The following GRM7 variants were observed in gnomAD, a reference collection of about 807,000 sequenced individuals.
GRM7 encodes the protein glutamate metabotropic receptor 7, also known as metabotropic glutamate receptor 7.
In GRM7, 35 loss-of-function variants were observed where a neutral mutation model predicts 84.5. The observed-to-expected ratio is 0.41, with a 90% CI of 0.32 to 0.55. The LOEUF is 0.55. Ranked by LOEUF, GRM7 falls within the 20% of genes least tolerant of loss-of-function variation. The probability of loss-of-function intolerance (pLI) is 0.19; values close to 1 mark genes in which losing one functional copy is unlikely to be tolerated. For missense variants in GRM7, 1,003 were observed against 1,194.6 expected, an observed-to-expected ratio of 0.84 and a Z score of 2.36; for synonymous variants, 487 against 455.1, an observed-to-expected ratio of 1.07 and a Z score of -0.89.
At chr3:7,469,448 G>T (rs1215938790) in intron 7 of GRM7, among the ~76,000 whole-genome samples, 1 of 152,200 alleles carries the variant, frequency 6.6e-6, no homozygotes, top group African/African-American at 2.4e-5. Flanking sequence ...CCTACCAGTG[G>T]CTATTTGAGA....
chr3:7,288,790 C>T (rs1699518731), intron 2 of GRM7, among the ~76,000 whole-genome samples: 1 of 152,084 alleles, frequency 6.6e-6, no homozygotes, highest in Non-Finnish European at 1.5e-5. Context: ...GAAATGTACA[C>T]ACCAGTTACT....
At chr3:7,143,705 A>G (rs1469148087) in intron 1 of GRM7, among the ~76,000 whole-genome samples, 2 of 152,156 alleles carry the variant, frequency 1.3e-5, no homozygotes, top group African/African-American at 4.8e-5. Flanking sequence ...ATGCAAATTC[A>G]AGGAGAGGGC....
intron 7 of GRM7, among the ~76,000 whole-genome samples, chr3:7,566,112 T>G (rs993008505): frequency 7.5e-4 from 19 of 25,252 alleles, no homozygotes; most frequent in Admixed American, 4.2e-3. Flanking sequence ...TGTTTTTTTT[T>G]TTTTTTTTTT....
At chr3:7,488,663 C>T (rs1322285300) in intron 7 of GRM7, among the ~76,000 whole-genome samples, 1 of 152,204 alleles carries the variant, frequency 6.6e-6, no homozygotes, top group African/African-American at 2.4e-5. Context: ...ACTTCTTAGA[C>T]TTCCCACTCC....
At chr3:7,730,497 A>G (rs1702289341) in intron 9 of GRM7, among the ~76,000 whole-genome samples, 1 of 152,216 alleles carries the variant, frequency 6.6e-6, no homozygotes, top group African/African-American at 2.4e-5. Flanking sequence ...GTTCGAGGAT[A>G]TGGACTATTT....
chr3:7,225,435 CTG>C (rs1696951441), intron 2 of GRM7, among the ~76,000 whole-genome samples: 1 of 147,034 alleles, frequency 6.8e-6, no homozygotes, highest in Non-Finnish European at 1.5e-5. Flanking sequence ...ATAGTTATAT[CTG>C]TAATTTCTTG....
intron 8 of GRM7, among the ~76,000 whole-genome samples, chr3:7,621,840 C>G (rs527817621): frequency 6.6e-5 from 10 of 152,050 alleles, no homozygotes; most frequent in Admixed American, 1.3e-4. Context: ...TGGCAGCCAG[C>G]TATGTTTTGA....
At chr3:7,279,281 G>A (rs1699176541) in intron 2 of GRM7, among the ~76,000 whole-genome samples, 2 of 152,034 alleles carry the variant, frequency 1.3e-5, no homozygotes. Context: ...CAACGTGGTG[G>A]GGGTAGAGTA....
At chr3:7,531,960 T>G (rs1039698240) in intron 7 of GRM7, among the ~76,000 whole-genome samples, 4 of 152,132 alleles carry the variant, frequency 2.6e-5, no homozygotes, top group Non-Finnish European at 5.9e-5. Flanking sequence ...TAGCTCTTAT[T>G]ATTTTGAGAT....
chr3:7,340,520 G>A (rs1181308278), intron 4 of GRM7, among the ~76,000 whole-genome samples: 5 of 152,058 alleles, frequency 3.3e-5, no homozygotes, highest in African/African-American at 1.2e-4. Flanking sequence ...TTGTGATCCA[G>A]TCACCTCCCA....
rs527482258 is a variant in GRM7 at position 7,330,487 on chromosome 3, T to C, written c.1033+23835T>C. Reference sequence around the variant, plus strand: ...CGGCTCTGTTCCCACCCAAATCTTATCTTGAATTGTAGATCCTGTAATTCC... The same window carrying C: ...CGGCTCTGTTCCCACCCAAATCTTACCTTGAATTGTAGATCCTGTAATTCC... On this transcript the variant is annotated intron_variant, in intron 4 of 9. Transcript: ENST00000357716. Among the ~76,000 whole-genome samples, 181 of 152,274 alleles carry C rather than the reference T, an allele frequency of 1.2e-3. 2 individuals are homozygous for C. The highest frequency in any genetic ancestry group is 4.2e-3 in the African/African-American group (174 of 41,570).
At chr3:7,100,754 T>C (rs924540753) in intron 1 of GRM7, among the ~76,000 whole-genome samples, 2 of 151,826 alleles carry the variant, frequency 1.3e-5, no homozygotes, top group Non-Finnish European at 2.9e-5. Flanking sequence ...ATTATTTCCA[T>C]CTACACAAAA....
chr3:7,587,746 T>A (rs931645140), intron 8 of GRM7, among the ~76,000 whole-genome samples: 26 of 152,112 alleles, frequency 1.7e-4, no homozygotes, highest in Non-Finnish European at 5.9e-5. Context: ...TGGCTACCAG[T>A]CGTGATTTAA....
intron 4 of GRM7, among the ~76,000 whole-genome samples, chr3:7,414,421 T>C (rs925275721): frequency 6.6e-6 from 1 of 151,938 alleles, no homozygotes. Flanking sequence ...CTTGGGACAC[T>C]GAATCCCGTA....
chr3:7,673,318 G>A lies in GRM7; in HGVS notation c.2452-6731G>A, dbSNP rs185993625. ...ATACCTAATACTTGCTTCAAGTGTC[G>A]AACTTTCTGATTCACCAGAATTTCA... On this transcript the variant is annotated intron_variant, in intron 8 of 9. Coordinates refer to ENST00000357716, the MANE Select transcript of GRM7 (RefSeq NM_000844.4). Among the ~76,000 whole-genome samples the A allele has an allele frequency of 2.8e-3, 428 of 152,186 alleles. 7 individuals carry two copies. Among genetic ancestry groups the A allele is most frequent in the Middle Eastern group, 0.02 (6 of 294 alleles).
intron 2 of GRM7, among the ~76,000 whole-genome samples, chr3:7,232,649 G>A (rs141217034): frequency 6.6e-6 from 1 of 152,252 alleles, no homozygotes. Flanking sequence ...TTCACATTTT[G>A]GGACATTATC....
At chr3:7,391,727 A>T (rs924247236) in intron 4 of GRM7, among the ~76,000 whole-genome samples, 1 of 151,868 alleles carries the variant, frequency 6.6e-6, no homozygotes, top group South Asian at 2.1e-4. Context: ...AATATAAAAA[A>T]GAAATGAGCT....
At chr3:7,580,852 A>G (rs1230558704) in intron 8 of GRM7, among the ~76,000 whole-genome samples, 3 of 152,070 alleles carry the variant, frequency 2.0e-5, no homozygotes, top group South Asian at 4.1e-4. Flanking sequence ...AGGGAATAGT[A>G]AAATATGAGT....
At chr3:7,623,075 A>G (rs770825271) in intron 8 of GRM7, among the ~76,000 whole-genome samples, 2 of 152,178 alleles carry the variant, frequency 1.3e-5, no homozygotes, top group Non-Finnish European at 2.9e-5. Context: ...AGGAAAGGGA[A>G]ATCTGGGAAA....
Sources: gnomAD v4.1 joint callset for allele counts (sites outside exome capture counted in the v4.1 genomes callset) on GRCh38, gnomAD v4.1.1 for gene constraint, MANE v1.5 for transcripts, NCBI Gene and HGNC (gene_info 2026-07-23, HGNC 2026-07-21) for gene names.